The following RAPGEF4 variants were observed in gnomAD, a reference collection of about 807,000 sequenced individuals.
RAPGEF4 encodes the protein RAP guanine-nucleotide-exchange factor (GEF) 4.
RAPGEF4 carries 66 observed loss-of-function variants against 147.9 expected under a neutral mutation model. The ratio of observed to expected loss-of-function variants is 0.45; its 90% CI spans 0.37 to 0.55. The LOEUF is 0.55. RAPGEF4 is among the 20% of genes least tolerant of loss of function. The pLI is 0.00. For synonymous variants in RAPGEF4, 419 were observed against 442.7 expected (o/e 0.95, Z 0.67); for missense variants, 1,071 against 1,257.3 (o/e 0.85, Z 2.24).
chr2:172,838,961 A>T (rs970322466), intron 4 of RAPGEF4, among the ~76,000 whole-genome samples: 2 of 152,184 alleles, frequency 1.3e-5, no homozygotes, highest in Non-Finnish European at 2.9e-5. Flanking sequence ...GCAATAAGCA[A>T]GTTCTTCTTC....
intron 3 of RAPGEF4, among the ~76,000 whole-genome samples, chr2:172,805,200 G>A (rs1687372962): frequency 6.6e-6 from 1 of 152,154 alleles, no homozygotes; most frequent in South Asian, 2.1e-4. Flanking sequence ...TCAAGAGACT[G>A]GAGGGGAGAC....
intron 1 of RAPGEF4, among the ~76,000 whole-genome samples, chr2:172,793,559 C>T (rs376993061): frequency 3.3e-5 from 5 of 152,166 alleles, no homozygotes; most frequent in African/African-American, 9.7e-5. Flanking sequence ...TCATCCAGTT[C>T]GTTTCCTCTG....
chr2:173,044,763 C>T (rs1685241494), intron 29 of RAPGEF4, among the ~76,000 whole-genome samples: 1 of 152,200 alleles, frequency 6.6e-6, no homozygotes, highest in Admixed American at 6.5e-5. Flanking sequence ...AGGAGGCGCT[C>T]TAATGTGGGG....
intron 25 of RAPGEF4, among the ~76,000 whole-genome samples, chr2:173,029,857 G>A (rs371135406): frequency 6.6e-5 from 10 of 152,020 alleles, no homozygotes; most frequent in Non-Finnish European, 1.0e-4. Flanking sequence ...TTTCCCTCTC[G>A]GTCCAACAAG....
At chr2:172,783,013 C>T (rs1249084588) in intron 1 of RAPGEF4, among the ~76,000 whole-genome samples, 9 of 152,200 alleles carry the variant, frequency 5.9e-5, no homozygotes, top group African/African-American at 1.7e-4. Context: ...TTCGATTTCA[C>T]ATTGCATTTT....
intron 1 of RAPGEF4, among the ~76,000 whole-genome samples, chr2:172,746,198 T>C (rs989057380): frequency 1.3e-5 from 2 of 152,254 alleles, no homozygotes; most frequent in Non-Finnish European, 2.9e-5. Flanking sequence ...GACTTTGGTG[T>C]CAGCCAAACT....
intron 3 of RAPGEF4, among the ~76,000 whole-genome samples, chr2:172,812,950 G>A (rs1688168446): frequency 6.6e-6 from 1 of 152,140 alleles, no homozygotes; most frequent in South Asian, 2.1e-4. Flanking sequence ...CAGTTCTGGG[G>A]ATATTTTTGA....
chr2:172,835,168 G>A (rs949817742), intron 4 of RAPGEF4, among the ~76,000 whole-genome samples: 11 of 152,130 alleles, frequency 7.2e-5, no homozygotes, highest in Non-Finnish European at 8.8e-5. Flanking sequence ...TAAATAGACC[G>A]TGAAGAAGTG....
chr2:172,819,463 T>C (rs1165493137), intron 4 of RAPGEF4, among the ~76,000 whole-genome samples: 2 of 89,564 alleles, frequency 2.2e-5, no homozygotes, highest in Admixed American at 2.2e-4. Context: ...TTTTAGTTCT[T>C]TTTTTTTTTT....
chr2:172,821,793 G>T, intron 4 of RAPGEF4: 3 of 1,256,210 alleles, frequency 2.4e-6, no homozygotes, highest in Non-Finnish European at 3.0e-6. Flanking sequence ...TAGACTGCCT[G>T]AGCTTTCCTG....
intron 29 of RAPGEF4, among the ~76,000 whole-genome samples, chr2:173,038,763 A>T (rs1684374504): frequency 6.6e-6 from 1 of 151,860 alleles, no homozygotes; most frequent in South Asian, 2.1e-4. Flanking sequence ...AAATAAAATA[A>T]ATTTTTAAAA....
At chr2:172,925,410 T>G (rs781025901) in intron 6 of RAPGEF4, among the ~76,000 whole-genome samples, 3 of 152,328 alleles carry the variant, frequency 2.0e-5, no homozygotes, top group Non-Finnish European at 4.4e-5. Context: ...ATATTGCACC[T>G]TTGTAGGAAT....
chr2:172,828,451 G>A (rs117667981), intron 4 of RAPGEF4, among the ~76,000 whole-genome samples: 1 of 152,238 alleles, frequency 6.6e-6, no homozygotes, highest in East Asian at 1.9e-4. Context: ...GAAGCCCTTT[G>A]GAGCCTCCTG....
At chr2:172,834,887 T>G (rs1690754474) in intron 4 of RAPGEF4, among the ~76,000 whole-genome samples, 1 of 152,226 alleles carries the variant, frequency 6.6e-6, no homozygotes, top group South Asian at 2.1e-4. Context: ...TTTTCTTAGG[T>G]GAAATATTAC....
At chr2:172,897,557 CCTGA>C (rs1698611499) in intron 4 of RAPGEF4, among the ~76,000 whole-genome samples, 1 of 151,764 alleles carries the variant, frequency 6.6e-6, no homozygotes, top group Non-Finnish European at 1.5e-5. Context: ...TGCCACCATA[CCTGA>C]CTAATTTTTT....
At chr2:172,853,885 G>A (rs537423856) in intron 4 of RAPGEF4, among the ~76,000 whole-genome samples, 18 of 101,334 alleles carry the variant, frequency 1.8e-4, no homozygotes, top group South Asian at 3.4e-4. Context: ...ATTGTGGTCC[G>A]AAAACATATT....
chr2:172,967,286 C>T lies in RAPGEF4; in HGVS notation c.846C>T (p.Asp282=), dbSNP rs763964275. The change falls in exon 10 of 31, where the codon GAC becomes GAT. Residue 282 remains aspartate (D), a synonymous_variant. Coordinates refer to ENST00000397081, the MANE Select transcript of RAPGEF4 (RefSeq NM_007023.4). ...NHVDQEHHFQ[D]KYLFYRFLDD... ...TGGACCAGGAGCACCATTTCCAAGA[C>T]AAATATTTATTCTATCGATTTCTGG... The T allele has an allele frequency of 6.8e-6, 11 of 1,612,288 alleles. No homozygotes were observed. The East Asian group carries it at 2.2e-4, about 33-fold the overall frequency.
At chr2:172,872,437 T>G (rs1695344876) in intron 4 of RAPGEF4, among the ~76,000 whole-genome samples, 1 of 152,164 alleles carries the variant, frequency 6.6e-6, no homozygotes, top group African/African-American at 2.4e-5. Flanking sequence ...TATGTTGTGT[T>G]TTTGACATCT....
intron 4 of RAPGEF4, among the ~76,000 whole-genome samples, chr2:172,850,926 T>C (rs554267750): frequency 6.6e-6 from 1 of 152,218 alleles, no homozygotes; most frequent in African/African-American, 2.4e-5. Flanking sequence ...TATGGTTTTT[T>C]GCATCTCATT....
Sources: gnomAD v4.1 joint callset for allele counts (sites outside exome capture counted in the v4.1 genomes callset) on GRCh38, gnomAD v4.1.1 for gene constraint, MANE v1.5 for transcripts, NCBI Gene and HGNC (gene_info 2026-07-23, HGNC 2026-07-21) for gene names.